Variants in SUPT3H observed in about 807,000 individuals in gnomAD.
SUPT3H encodes the protein transcription initiation protein SPT3 homolog.
Under a neutral mutation model 44.3 loss-of-function variants are expected in SUPT3H, and 44 were observed. The ratio of observed to expected loss-of-function variants is 0.99; its 90% confidence interval spans 0.78 to 1.28. SUPT3H has a LOEUF of 1.28. Ranked by LOEUF, SUPT3H falls within the 50% of genes most tolerant of loss-of-function variation. SUPT3H has a pLI of 0.00. For missense variants in SUPT3H, 380 were observed against 387.1 expected, an observed-to-expected ratio of 0.98 and a Z score of 0.15; for synonymous variants, 124 against 125.6, an observed-to-expected ratio of 0.99 and a Z score of 0.09.
intron 2 of SUPT3H, among the ~76,000 whole-genome samples, chr6:45,238,763 A>G (rs982231971): frequency 6.6e-6 from 1 of 152,192 alleles, no homozygotes; most frequent in African/African-American, 2.4e-5. Context: ...GGATTGTTAA[A>G]TTACATGGAT....
chr6:44,948,528 T>G (rs1392661505), intron 9 of SUPT3H, among the ~76,000 whole-genome samples: 1 of 152,106 alleles, frequency 6.6e-6, no homozygotes, highest in Non-Finnish European at 1.5e-5. Flanking sequence ...TACAAAGAAC[T>G]TAAACAAATT....
chr6:44,856,078 T>G (rs1208015823), intron 10 of SUPT3H, among the ~76,000 whole-genome samples: 1 of 152,204 alleles, frequency 6.6e-6, no homozygotes, highest in Non-Finnish European at 1.5e-5. Context: ...GTTGAAGCAC[T>G]TATTAATGTC....
intron 3 of SUPT3H, among the ~76,000 whole-genome samples, chr6:45,048,221 CTTTTTTTTTT>C (rs67557043): frequency 1.2e-4 from 11 of 88,216 alleles, no homozygotes; most frequent in East Asian, 7.5e-4. Context: ...TCTCTCTACT[CTTTTTTTTTT>C]TTTTTTTTTT....
chr6:45,344,389 C>G (rs138819679), intron 2 of SUPT3H, among the ~76,000 whole-genome samples: 1 of 152,162 alleles, frequency 6.6e-6, no homozygotes, highest in East Asian at 1.9e-4. Context: ...AAACAATGTA[C>G]TTTGTTGCCC....
intron 11 of SUPT3H, among the ~76,000 whole-genome samples, chr6:44,821,012 GGC>G (rs1451409431): frequency 1.3e-5 from 2 of 152,032 alleles, no homozygotes; most frequent in Non-Finnish European, 2.9e-5. Context: ...CACTGTGCCT[GGC>G]TACTTTTTTA....
rs1353819064 is a variant in SUPT3H, at chr6:44,954,484, A to G, written c.693+11T>C. ...CCAGTGTGGCCCGATATGACAGATT[A>G]GAATTCTTACCTGTGCCACAGTTTC... On this transcript the variant is annotated intron_variant, in intron 8 of 10. Transcript: ENST00000371459. The G allele has an allele frequency of 1.3e-6, 2 of 1,599,544 alleles. No homozygotes were observed. The highest frequency in any genetic ancestry group is 3.3e-5 in the Admixed American group (2 of 60,024).
At chr6:45,171,427 G>A (rs1476488956) in intron 2 of SUPT3H, among the ~76,000 whole-genome samples, 1 of 152,046 alleles carries the variant, frequency 6.6e-6, no homozygotes, top group African/African-American at 2.4e-5. Flanking sequence ...AGAAATAAAG[G>A]CAATACCAAC....
chr6:45,350,693 T>C (rs1186517804), intron 2 of SUPT3H, among the ~76,000 whole-genome samples: 1 of 152,224 alleles, frequency 6.6e-6, no homozygotes, highest in Non-Finnish European at 1.5e-5. Flanking sequence ...CTATGCCTTT[T>C]AAAGGAAGCT....
intron 6 of SUPT3H, among the ~76,000 whole-genome samples, chr6:44,973,523 C>T (rs1441823369): frequency 1.3e-5 from 2 of 152,146 alleles, no homozygotes; most frequent in Non-Finnish European, 2.9e-5. Flanking sequence ...TTCAGACTTT[C>T]CCATATTTTC....
At chr6:45,214,073 G>C (rs959686957) in intron 2 of SUPT3H, among the ~76,000 whole-genome samples, 1 of 119,958 alleles carries the variant, frequency 8.3e-6, no homozygotes. Context: ...TCCAGGAAGA[G>C]ATTTTAAACA....
In SUPT3H at chr6:44,843,077, A is replaced by G. The variant is rs184355159; in HGVS notation, c.913-13220T>C. Reference sequence around the variant, plus strand: ...AGAAATAGTAAAAAAATAAAAGCCTAGTTTCAGGACACATGCAATTCAGTG... The same window carrying G: ...AGAAATAGTAAAAAAATAAAAGCCTGGTTTCAGGACACATGCAATTCAGTG... On this transcript the variant is annotated intron_variant, in intron 10 of 10. Transcript: ENST00000371459. Among the ~76,000 whole-genome samples the G allele has an allele frequency of 2.3e-3, 348 of 152,340 alleles. 1 individual carries two copies. Among genetic ancestry groups the G allele is most frequent in the African/African-American group, 7.6e-3 (318 of 41,578 alleles).
chr6:44,961,383 T>C (rs1775994878), intron 7 of SUPT3H, among the ~76,000 whole-genome samples: 1 of 152,222 alleles, frequency 6.6e-6, no homozygotes, highest in Non-Finnish European at 1.5e-5. Flanking sequence ...TCATGACTAC[T>C]ATTAGAGTCC....
At chr6:45,091,113 A>G (rs1200735889) in intron 3 of SUPT3H, among the ~76,000 whole-genome samples, 1 of 151,954 alleles carries the variant, frequency 6.6e-6, no homozygotes, top group African/African-American at 2.4e-5. Context: ...GGTCTATCAA[A>G]TGATTTCTAT....
intron 2 of SUPT3H, among the ~76,000 whole-genome samples, chr6:45,252,098 T>A (rs1263502573): frequency 6.6e-6 from 1 of 152,172 alleles, no homozygotes; most frequent in Non-Finnish European, 1.5e-5. Flanking sequence ...CAAGAATGGA[T>A]GAGAAAATAC....
In SUPT3H at chr6:45,134,262, C is replaced by CAAT. The variant is rs150126599; in HGVS notation, c.102-28259_102-28257dup. On this transcript the variant is annotated intron_variant, in intron 2 of 10. Coordinates refer to ENST00000371459, the MANE Select transcript of SUPT3H (RefSeq NM_003599.4). ...CACTCTCATGGTAACTAATCCACTC[C>CAAT]AATAACAACATTAATCCATTCAGGG... 9.8e-3 allele frequency among the ~76,000 whole-genome samples: 1,486 copies of CAAT among 152,252 alleles called. 33 individuals are homozygous for CAAT. Among genetic ancestry groups the CAAT allele is most frequent in the African/African-American group, 0.034 (1,400 of 41,546 alleles).
chr6:45,106,653 C>T (rs970509238), intron 2 of SUPT3H, among the ~76,000 whole-genome samples: 6 of 152,036 alleles, frequency 3.9e-5, no homozygotes, highest in East Asian at 1.9e-4. Flanking sequence ...TCTCCTACCA[C>T]GACCTCTAGA....
chr6:45,181,179 C>T (rs1374015889), intron 2 of SUPT3H, among the ~76,000 whole-genome samples: 1 of 118,564 alleles, frequency 8.4e-6, no homozygotes, highest in East Asian at 3.2e-4. Context: ...CCATCTCACA[C>T]CAGTTAGAAT....
At chr6:45,328,311 T>C in intron 2 of SUPT3H, 2 of 1,369,920 alleles carry the variant, frequency 1.5e-6, no homozygotes, top group Non-Finnish European at 2.0e-6. Flanking sequence ...TTTGCTTTTT[T>C]GGATTGTGTG....
At chr6:44,962,747 T>C (rs1344245008) in intron 6 of SUPT3H, among the ~76,000 whole-genome samples, 1 of 152,114 alleles carries the variant, frequency 6.6e-6, no homozygotes, top group East Asian at 1.9e-4. Flanking sequence ...CAATGATAGG[T>C]CAGTTGATGG....
Sources: allele counts gnomAD v4.1 joint callset (sites outside exome capture counted in the v4.1 genomes callset), GRCh38; gene constraint gnomAD v4.1.1; transcripts MANE v1.5; gene names NCBI Gene and HGNC (gene_info 2026-07-23, HGNC 2026-07-21).